FAM107B: variants seen among roughly 807,000 people sequenced by gnomAD.
FAM107B encodes the protein protein FAM107B.
Under a neutral mutation model 31.5 loss-of-function variants are expected in FAM107B, and 21 were observed. The observed-to-expected ratio is 0.67, with a 90% CI of 0.47 to 0.96. The LOEUF is 0.96. Ranked by LOEUF, FAM107B falls within the 40% of genes least tolerant of loss-of-function variation. FAM107B has a pLI of 0.00. For synonymous variants in FAM107B, 157 were observed against 141.5 expected (o/e 1.11, Z -0.78); for missense variants, 452 against 377.1 (o/e 1.20, Z -1.64).
At chr10:14,760,181 A>G (rs2131590073) in intron 1 of FAM107B, among the ~76,000 whole-genome samples, 1 of 152,312 alleles carries the variant, frequency 6.6e-6, no homozygotes, top group South Asian at 2.1e-4. Flanking sequence ...GATTTGAAAC[A>G]CAGTACTCAG....
At chr10:14,620,525 C>T (rs904822066) in intron 2 of FAM107B, among the ~76,000 whole-genome samples, 1 of 145,234 alleles carries the variant, frequency 6.9e-6, no homozygotes, top group African/African-American at 2.4e-5. Flanking sequence ...TTTCAAAATG[C>T]TTACTGTATT....
chr10:14,641,180 T>C (rs75323326), intron 2 of FAM107B, among the ~76,000 whole-genome samples: 3,784 of 152,342 alleles, frequency 0.025, 167 homozygotes, highest in African/African-American at 0.086. Flanking sequence ...GTTTTTTTCT[T>C]AGGTAGATAT....
chr10:14,655,787 C>T (rs1854035332), intron 2 of FAM107B, among the ~76,000 whole-genome samples: 1 of 152,216 alleles, frequency 6.6e-6, no homozygotes, highest in South Asian at 2.1e-4. Context: ...GCTTAACCCT[C>T]CTGGGGATCC....
Position 14,522,007 on chromosome 10 carries a change from AG to A in FAM107B, c.665del (p.Pro222LeufsTer10). On this transcript the variant is annotated frameshift_variant, in exon 4 of 5. Coordinates refer to ENST00000181796, the MANE Select transcript of FAM107B (RefSeq NM_031453.4). LOFTEE classifies it high-confidence loss of function. ...LLMNQKRGLAPQNKPELQKVM... is the reference protein window; with the variant it reads ...LLMNQKRGLAXQNKPELQKVM... Reference sequence around the variant, plus strand: ...CCTTCTGCAATTCTGGTTTGTTCTGAGGAGCAAGACCCCTGCGAAAGAGCAT... The same window carrying A: ...CCTTCTGCAATTCTGGTTTGTTCTGAGAGCAAGACCCCTGCGAAAGAGCAT... 1 of 1,613,624 alleles carries A rather than the reference AG, an allele frequency of 6.2e-7. No homozygotes were observed. Among genetic ancestry groups the A allele is most frequent in the Non-Finnish European group, 8.5e-7 (1 of 1,179,950 alleles).
At chr10:14,568,395 GAGA>G (rs1850867772) in intron 2 of FAM107B, among the ~76,000 whole-genome samples, 1 of 27,134 alleles carries the variant, frequency 3.7e-5, no homozygotes, top group Non-Finnish European at 9.7e-5. Context: ...GATACTGGAG[GAGA>G]AGGCTGGCTG....
intron 1 of FAM107B, among the ~76,000 whole-genome samples, chr10:14,701,544 C>T (rs181433997): frequency 6.6e-6 from 1 of 152,184 alleles, no homozygotes; most frequent in Admixed American, 6.5e-5. Context: ...CATGCCTGGC[C>T]AAAAACCTTC....
In FAM107B at chr10:14,531,945, AAGT is replaced by A. The variant is rs545350531; in HGVS notation, c.470-1433_470-1431del. On this transcript the variant is annotated intron_variant, in intron 2 of 4. Transcript: ENST00000181796. ...ACACTGAGTCTGTGTTCTCAGGCTT[AAGT>A]AAGTCCTCAAACTTGGCTCCAAATA... 2.6e-4 allele frequency among the ~76,000 whole-genome samples: 39 copies of A among 152,338 alleles called. No individual in the cohort carries two copies. The South Asian group carries it at 7.9e-3, about 31-fold the overall frequency.
chr10:14,674,359 G>A (rs1488954230), intron 1 of FAM107B, among the ~76,000 whole-genome samples: 3 of 152,210 alleles, frequency 2.0e-5, no homozygotes, highest in African/African-American at 7.2e-5. Context: ...TCTGACAAGA[G>A]ATTAACATCC....
intron 1 of FAM107B, among the ~76,000 whole-genome samples, chr10:14,671,986 G>C (rs1171632964): frequency 6.6e-6 from 1 of 151,480 alleles, no homozygotes; most frequent in Non-Finnish European, 1.5e-5. Flanking sequence ...TGATACACCA[G>C]TGTAAGAACT....
rs771802503 is a variant in FAM107B, at chr10:14,671,903, AC to A, written c.412-4213del. On this transcript the variant is annotated intron_variant, in intron 1 of 4. Transcript: ENST00000181796. ...AAAAAAACAAAAAAACAAAAAAAAA[AC>A]CCTCTATTTCTTTTTAAATCAAACT... is the stretch of plus-strand genomic sequence containing the variant. Among the ~76,000 whole-genome samples the A allele has an allele frequency of 1.6e-3, 229 of 145,900 alleles. 6 individuals carry two copies. Among genetic ancestry groups the A allele is most frequent in the South Asian group, 3.0e-3 (14 of 4,696 alleles).
At chr10:14,757,161 A>T (rs371309) in intron 1 of FAM107B, among the ~76,000 whole-genome samples, 1 of 152,216 alleles carries the variant, frequency 6.6e-6, no homozygotes, top group Admixed American at 6.5e-5. Flanking sequence ...CTTAAAAGTT[A>T]AAATAAATAA....
chr10:14,587,220 C>G (rs995416594), intron 2 of FAM107B, among the ~76,000 whole-genome samples: 1 of 152,122 alleles, frequency 6.6e-6, no homozygotes, highest in South Asian at 2.1e-4. Flanking sequence ...GTTCATCGTC[C>G]TTCTAATGCG....
At chr10:14,644,025 A>G (rs1384361075) in intron 2 of FAM107B, among the ~76,000 whole-genome samples, 1 of 144,898 alleles carries the variant, frequency 6.9e-6, no homozygotes, top group African/African-American at 2.9e-5. Flanking sequence ...GAAATTGCCT[A>G]ATGATACCAG....
At chr10:14,549,538 G>T (rs1849059843) in intron 2 of FAM107B, among the ~76,000 whole-genome samples, 1 of 152,172 alleles carries the variant, frequency 6.6e-6, no homozygotes, top group African/African-American at 2.4e-5. Context: ...ACTGGAATAA[G>T]GGAGTAAACT....
At chr10:14,765,090 C>T (rs372887512) in intron 1 of FAM107B, among the ~76,000 whole-genome samples, 1 of 152,166 alleles carries the variant, frequency 6.6e-6, no homozygotes, top group African/African-American at 2.4e-5. Flanking sequence ...AGATATGGGT[C>T]GACCTCTTCC....
intron 2 of FAM107B, among the ~76,000 whole-genome samples, chr10:14,639,866 C>G (rs1444165497): frequency 6.6e-6 from 1 of 152,186 alleles, no homozygotes; most frequent in Admixed American, 6.5e-5. Flanking sequence ...GCTAACACTG[C>G]TGCTACTACC....
chr10:14,709,895 A>G (rs1160089974), intron 1 of FAM107B, among the ~76,000 whole-genome samples: 1 of 152,228 alleles, frequency 6.6e-6, no homozygotes, highest in African/African-American at 2.4e-5. Flanking sequence ...CAGTAAAAAG[A>G]TAGCAGTTGC....
chr10:14,528,731 G>C (rs563735738), intron 3 of FAM107B, among the ~76,000 whole-genome samples: 1 of 152,244 alleles, frequency 6.6e-6, no homozygotes, highest in African/African-American at 2.4e-5. Context: ...GCCAGACAAA[G>C]ACAGACAGAA....
chr10:14,770,774 C>T (rs540234057), intron 1 of FAM107B, among the ~76,000 whole-genome samples: 3 of 152,054 alleles, frequency 2.0e-5, no homozygotes, highest in Non-Finnish European at 4.4e-5. Flanking sequence ...TTCTTCAATA[C>T]AGACATGTGC....
Sources: gnomAD v4.1 joint callset for allele counts (sites outside exome capture counted in the v4.1 genomes callset) on GRCh38, gnomAD v4.1.1 for gene constraint, MANE v1.5 for transcripts, NCBI Gene and HGNC (gene_info 2026-07-23, HGNC 2026-07-21) for gene names.